Variants in ZRANB3 observed in about 807,000 individuals in gnomAD.
The protein encoded by ZRANB3 is zinc finger RANBP2-type containing 3, also known as DNA annealing helicase and endonuclease ZRANB3.
ZRANB3 carries 125 observed loss-of-function variants against 133.8 expected under a neutral mutation model. That is an observed-to-expected ratio of 0.93 (90% CI 0.81 to 1.08). The LOEUF (loss-of-function observed/expected upper bound fraction) is 1.08, where lower values mean the gene tolerates loss of function less well. Among genes scored for constraint, ZRANB3 ranks in the 50% least tolerant of loss-of-function variants. ZRANB3 has a pLI of 0.00. For missense variants in ZRANB3, 1,229 were observed against 1,275.5 expected, an observed-to-expected ratio of 0.96 and a Z score of 0.56; for synonymous variants, 387 against 432.7, an observed-to-expected ratio of 0.89 and a Z score of 1.31.
In ZRANB3 at chr2:135,227,170, A is replaced by C. The variant is rs186680161; in HGVS notation, c.2158+642T>G. 3.6e-3 allele frequency among the ~76,000 whole-genome samples: 546 copies of C among 152,352 alleles called. 3 individuals are homozygous for C. The highest frequency in any genetic ancestry group is 9.7e-3 in the Admixed American group (148 of 15,292). On this transcript the variant is annotated intron_variant, in intron 14 of 20. Transcript: ENST00000264159. ...AAATGAGTAACAAGGAAAATAACCC[A>C]AAAGTACTCAGTCTCTTGCCAGCTA...
chr2:135,443,127 GAAAGAAAAAGAAA>G (rs1689857497), intron 2 of ZRANB3, among the ~76,000 whole-genome samples: 1 of 130,008 alleles, frequency 7.7e-6, no homozygotes, highest in Non-Finnish European at 1.5e-5. Context: ...AAAAAAAAAA[GAAAGAAAAAGAAA>G]AAAGAAAAGA....
chr2:135,420,630 A>G (rs571964254), intron 2 of ZRANB3, among the ~76,000 whole-genome samples: 1 of 152,236 alleles, frequency 6.6e-6, no homozygotes, highest in East Asian at 1.9e-4. Context: ...GTAATTGATA[A>G]AGTAGATCTG....
chr2:135,454,249 C>CCA (rs1690396975), intron 2 of ZRANB3, among the ~76,000 whole-genome samples: 1 of 152,124 alleles, frequency 6.6e-6, no homozygotes, highest in African/African-American at 2.4e-5. Flanking sequence ...GTACAGCCTC[C>CCA]CACAACACAT....
chr2:135,499,653 T>A (rs575763836), intron 2 of ZRANB3, among the ~76,000 whole-genome samples: 1 of 152,274 alleles, frequency 6.6e-6, no homozygotes, highest in African/African-American at 2.4e-5. Context: ...TCAATGTACA[T>A]CACTATATAC....
chr2:135,352,134 C>T (rs1161569669), intron 4 of ZRANB3, among the ~76,000 whole-genome samples: 3 of 151,684 alleles, frequency 2.0e-5, no homozygotes, highest in Non-Finnish European at 4.4e-5. Context: ...GAGTTTGAGA[C>T]CAGACTGACC....
intron 8 of ZRANB3, among the ~76,000 whole-genome samples, chr2:135,307,927 T>C (rs567864090): frequency 1.4e-4 from 22 of 152,348 alleles, no homozygotes; most frequent in African/African-American, 5.3e-4. Context: ...TAAGTGTTCC[T>C]GCCACATTCT....
intron 2 of ZRANB3, among the ~76,000 whole-genome samples, chr2:135,405,436 C>G (rs1049723830): frequency 2.6e-5 from 4 of 152,100 alleles, no homozygotes; most frequent in African/African-American, 4.8e-5. Flanking sequence ...ACAAGCATAT[C>G]CAGGAATTAA....
intron 14 of ZRANB3, among the ~76,000 whole-genome samples, chr2:135,225,523 ACAATCATTG>A (rs1694724379): frequency 6.6e-6 from 1 of 152,236 alleles, no homozygotes; most frequent in African/African-American, 2.4e-5. Context: ...ATGGCATTTT[ACAATCATTG>A]CTGGCCATGT....
At chr2:135,385,726 C>CA (rs1164254181) in intron 3 of ZRANB3, among the ~76,000 whole-genome samples, 1 of 151,726 alleles carries the variant, frequency 6.6e-6, no homozygotes, top group African/African-American at 2.4e-5. Context: ...CTGACAAAAA[C>CA]AAAAAATGGG....
chr2:135,525,869 G>GAAAAAAAAAA (rs1694137563), intron 1 of ZRANB3, among the ~76,000 whole-genome samples: 1 of 145,722 alleles, frequency 6.9e-6, no homozygotes, highest in African/African-American at 2.6e-5. Flanking sequence ...AAAAAAAAAG[G>GAAAAAAAAAA]AAATCCTATC....
chr2:135,398,967 T>C (rs964492677), intron 2 of ZRANB3, among the ~76,000 whole-genome samples: 2 of 152,242 alleles, frequency 1.3e-5, no homozygotes, highest in African/African-American at 4.8e-5. Context: ...GTTGAATCTT[T>C]GGCTTGTCAT....
chr2:135,417,496 C>T (rs1230279965), intron 2 of ZRANB3, among the ~76,000 whole-genome samples: 1 of 152,138 alleles, frequency 6.6e-6, no homozygotes, highest in Non-Finnish European at 1.5e-5. Flanking sequence ...AATAGGAACA[C>T]TTTTACACTG....
intron 1 of ZRANB3, chr2:135,511,052 A>T: frequency 2.6e-6 from 2 of 775,482 alleles, no homozygotes. Flanking sequence ...GATCCCTTTG[A>T]GGTTTCTGTG....
At chr2:135,401,055 A>G (rs559272464) in intron 2 of ZRANB3, among the ~76,000 whole-genome samples, 1 of 152,296 alleles carries the variant, frequency 6.6e-6, no homozygotes, top group Admixed American at 6.5e-5. Context: ...ATTATATGAG[A>G]AATCCCTTCC....
Position 135,252,604 on chromosome 2 carries a change from C to G in ZRANB3, c.1539+12930G>C, listed in dbSNP as rs112724710. ...CTCTAGGGCTGAGCTCCAAATGACTCTTGGACAACAGCTGAGGTTCAGAGA... is the reference window on the plus strand; with the variant it reads ...CTCTAGGGCTGAGCTCCAAATGACTGTTGGACAACAGCTGAGGTTCAGAGA... On this transcript the variant is annotated intron_variant, in intron 12 of 20. Coordinates refer to ENST00000264159, the MANE Select transcript of ZRANB3 (RefSeq NM_032143.4). Among the ~76,000 whole-genome samples, 62 of 152,304 alleles carry G rather than the reference C, an allele frequency of 4.1e-4. 1 individual carries two copies. The highest frequency in any genetic ancestry group is 1.4e-3 in the African/African-American group (57 of 41,562).
At chr2:135,261,203 G>A (rs1031198806) in intron 12 of ZRANB3, among the ~76,000 whole-genome samples, 4 of 151,924 alleles carry the variant, frequency 2.6e-5, no homozygotes, top group Non-Finnish European at 2.9e-5. Flanking sequence ...CTTTGTAAAT[G>A]GATAAAAAAT....
At chr2:135,371,359 T>C (rs1426375244) in intron 3 of ZRANB3, among the ~76,000 whole-genome samples, 1 of 152,218 alleles carries the variant, frequency 6.6e-6, no homozygotes, top group Non-Finnish European at 1.5e-5. Flanking sequence ...GGTGAGATGA[T>C]GCTATTAGTG....
intron 2 of ZRANB3, among the ~76,000 whole-genome samples, chr2:135,502,201 A>G (rs1692981511): frequency 6.6e-6 from 1 of 152,148 alleles, no homozygotes; most frequent in Admixed American, 6.5e-5. Context: ...CATAATAAAA[A>G]ATTTCCACTA....
intron 10 of ZRANB3, among the ~76,000 whole-genome samples, chr2:135,270,466 T>C (rs1390145193): frequency 2.0e-5 from 3 of 152,124 alleles, no homozygotes; most frequent in Non-Finnish European, 4.4e-5. Context: ...TTGAATAAAA[T>C]GTAAGTGCCC....
Sources: gnomAD v4.1 joint callset for allele counts (sites outside exome capture counted in the v4.1 genomes callset) on GRCh38, gnomAD v4.1.1 for gene constraint, MANE v1.5 for transcripts, NCBI Gene and HGNC (gene_info 2026-07-23, HGNC 2026-07-21) for gene names.